Variants in CACHD1 observed in about 807,000 individuals in gnomAD.
CACHD1 encodes VWFA and cache domain-containing protein 1.
CACHD1 carries 71 observed loss-of-function variants against 138.7 expected under a neutral mutation model. The observed-to-expected ratio is 0.51, with a 90% confidence interval of 0.42 to 0.62. The LOEUF (loss-of-function observed/expected upper bound fraction) is 0.62. Ranked by LOEUF, CACHD1 falls within the 20% of genes least tolerant of loss-of-function variation. The probability of loss-of-function intolerance (pLI) is 0.00; values close to 1 mark genes in which losing one functional copy is unlikely to be tolerated. For missense variants in CACHD1, 1,389 were observed against 1,625.3 expected, an observed-to-expected ratio of 0.85 and a Z score of 2.50; for synonymous variants, 578 against 591.5, an observed-to-expected ratio of 0.98 and a Z score of 0.33.
At chr1:64,663,408 G>T (rs184430812) in intron 13 of CACHD1, among the ~76,000 whole-genome samples, 1 of 151,456 alleles carries the variant, frequency 6.6e-6, no homozygotes. Context: ...AAAATAAGCC[G>T]GGCGTGGTGG....
intron 20 of CACHD1, 66 bp from the exon 21 acceptor site, chr1:64,675,831 C>A: frequency 9.2e-7 from 1 of 1,083,772 alleles, no homozygotes; most frequent in Non-Finnish European, 1.3e-6. Flanking sequence ...TTTGCTTCCC[C>A]AGCACATGTA....
intron 23 of CACHD1, among the ~76,000 whole-genome samples, chr1:64,678,668 G>A (rs571525155): frequency 1.3e-5 from 2 of 152,290 alleles, no homozygotes; most frequent in South Asian, 4.1e-4. Flanking sequence ...TATGTCTAGT[G>A]CCTGCTAAAA....
intron 1 of CACHD1, among the ~76,000 whole-genome samples, chr1:64,476,449 T>C (rs909584322): frequency 2.0e-5 from 3 of 152,252 alleles, no homozygotes; most frequent in African/African-American, 7.2e-5. Context: ...GAATGTGTAA[T>C]TACGCAATAT....
At chr1:64,513,597 T>G (rs144240952) in intron 1 of CACHD1, among the ~76,000 whole-genome samples, 209 of 152,306 alleles carry the variant, frequency 1.4e-3, no homozygotes, top group African/African-American at 4.8e-3. Context: ...ACAAGGCATT[T>G]GACATTTGAG....
At chr1:64,544,630 C>CT (rs34385450) in intron 1 of CACHD1, among the ~76,000 whole-genome samples, 36,988 of 146,258 alleles carry the variant, frequency 0.25, 5,736 homozygotes, top group Non-Finnish European at 0.34. Context: ...AGATGTTTGT[C>CT]TTTTTTTTTT....
At chr1:64,649,509 C>T (rs558161396) in intron 9 of CACHD1, among the ~76,000 whole-genome samples, 1 of 152,254 alleles carries the variant, frequency 6.6e-6, no homozygotes, top group South Asian at 2.1e-4. Flanking sequence ...TACTGAGTGC[C>T]AGCCAAGCAT....
At position 64,658,750 on chromosome 1, in the gene CACHD1, G is replaced by C; in HGVS notation, c.1828G>C (p.Glu610Gln). 6.2e-7 allele frequency: 1 copy of C among 1,611,802 alleles called. No individual in the cohort carries two copies. Among genetic ancestry groups the C allele is most frequent in the Non-Finnish European group, 8.5e-7 (1 of 1,178,846 alleles). Reference protein sequence around the residue: ...FILCIVVIQPEIPVKQLKNLN... With the variant: ...FILCIVVIQPQIPVKQLKNLN... The stretch of plus-strand genomic sequence containing the variant: ...TCTGTGTATTGTGGTGATACAACCA[G>C]AAATACCTGTGAAACAACTGAAGAA... The change falls in exon 13 of 27, where the codon GAA (glutamate) becomes CAA (glutamine). Residue 610 changes from glutamate (E) to glutamine (Q), a missense_variant. Coordinates refer to ENST00000651257, the MANE Select transcript of CACHD1 (RefSeq NM_020925.4).
intron 15 of CACHD1, 100 bp from the exon 16 acceptor site, chr1:64,665,957 A>G: frequency 3.4e-6 from 2 of 582,636 alleles, no homozygotes; most frequent in Admixed American, 3.1e-5. Flanking sequence ...GTGAGCTGAG[A>G]TCGCACCACT....
At chr1:64,632,832 C>G in intron 6 of CACHD1, 89 bp downstream of exon 6, 1 of 1,421,796 alleles carries the variant, frequency 7.0e-7, no homozygotes. Flanking sequence ...TATACAGATC[C>G]TCCTTGACTT....
At chr1:64,566,478 T>TCCCCCC (rs1570372376) in intron 2 of CACHD1, among the ~76,000 whole-genome samples, 1 of 4,996 alleles carries the variant, frequency 2.0e-4, no homozygotes, top group East Asian at 8.9e-3. Context: ...ATGTTTTCAA[T>TCCCCCC]TCCCCCCCCC....
intron 3 of CACHD1, among the ~76,000 whole-genome samples, chr1:64,589,733 T>A (rs1409764352): frequency 6.6e-6 from 1 of 152,140 alleles, no homozygotes; most frequent in Non-Finnish European, 1.5e-5. Flanking sequence ...ACTTTACTCA[T>A]CACCTATTAT....
intron 2 of CACHD1, among the ~76,000 whole-genome samples, chr1:64,554,902 A>G (rs1646785217): frequency 6.6e-6 from 1 of 152,210 alleles, no homozygotes; most frequent in African/African-American, 2.4e-5. Flanking sequence ...GGTAGTTACC[A>G]TATTAGGTTG....
At chr1:64,663,580 A>C in intron 13 of CACHD1, 115 bp from the exon 14 acceptor site, 1 of 1,325,834 alleles carries the variant, frequency 7.5e-7, no homozygotes, top group Non-Finnish European at 1.0e-6. Flanking sequence ...AAAAGGAAAA[A>C]AAAAGACATT....
intron 2 of CACHD1, among the ~76,000 whole-genome samples, chr1:64,576,134 C>A (rs953337639): frequency 2.0e-5 from 3 of 152,096 alleles, no homozygotes; most frequent in Non-Finnish European, 4.4e-5. Flanking sequence ...GTTGTCTCAT[C>A]CGTATTCAGG....
In CACHD1 at chr1:64,470,270, C is replaced by A. The variant is rs1646134133; in HGVS notation, c.-475C>A. Among the ~76,000 whole-genome samples the A allele has an allele frequency of 6.6e-6, 1 of 151,944 alleles. No homozygotes were observed. Among genetic ancestry groups the A allele is most frequent in the Non-Finnish European group, 1.5e-5 (1 of 67,928 alleles). ...CTCGCTCGGGTGGCTGCCCCAGTCT[C>A]GCAGCCCGGCCGCCGCTCCTCTTCC... On this transcript the variant is annotated 5_prime_UTR_variant, in exon 1 of 27. Coordinates refer to ENST00000651257, the MANE Select transcript of CACHD1 (RefSeq NM_020925.4). This position sits in a 1 kb window ranked among gnomAD's most constrained non-coding sequence, Gnocchi z 5.2.
At chr1:64,685,553 C>G (rs1650340347) in intron 26 of CACHD1, among the ~76,000 whole-genome samples, 1 of 152,094 alleles carries the variant, frequency 6.6e-6, no homozygotes, top group Non-Finnish European at 1.5e-5. Context: ...TACTTCTCCC[C>G]CTTTTTTTTC....
intron 13 of CACHD1, among the ~76,000 whole-genome samples, chr1:64,662,474 C>T (rs1002834596): frequency 3.9e-5 from 6 of 152,318 alleles, no homozygotes; most frequent in Middle Eastern, 3.4e-3. Context: ...GATCCCCCAT[C>T]TTCTTAGGCC....
chr1:64,632,509 T>A, intron 5 of CACHD1, 90 bp from the exon 6 acceptor site: 1 of 1,338,534 alleles, frequency 7.5e-7, no homozygotes. Context: ...GAGACCAACA[T>A]GCCCATGCAC....
rs150659749 is a variant in CACHD1, at chr1:64,663,988, G to T, written c.2094+151G>T. 4,350 of 997,920 alleles carry T rather than the reference G, an allele frequency of 4.4e-3. 18 individuals are homozygous for T. Among genetic ancestry groups the T allele is most frequent in the Non-Finnish European group, 5.6e-3 (3,872 of 691,366 alleles). The allele number at this position is 997,920 out of a possible 1,614,324, so 61.8% of individuals were successfully genotyped here. On this transcript the variant is annotated intron_variant, in intron 14 of 26. Transcript: ENST00000651257. ...AGAGTGTGTGGCCCAGGGGAGGCTGGTCAGCAGTGACTCTTCTGATGGATG... is the reference window on the plus strand; with the variant it reads ...AGAGTGTGTGGCCCAGGGGAGGCTGTTCAGCAGTGACTCTTCTGATGGATG...
Sources: allele counts gnomAD v4.1 joint callset (sites outside exome capture counted in the v4.1 genomes callset), GRCh38; gene constraint gnomAD v4.1.1; non-coding constraint Gnocchi (gnomAD v3.1); transcripts MANE v1.5; gene names NCBI Gene and HGNC (gene_info 2026-07-23, HGNC 2026-07-21).